The following MAP3K13 variants were observed in gnomAD, a reference collection of about 807,000 sequenced individuals.
MAP3K13 encodes the protein leucine zipper-bearing kinase.
A neutral mutation model predicts 104.0 loss-of-function variants in MAP3K13; 52 were observed. The ratio of observed to expected loss-of-function variants is 0.50; its 90% CI spans 0.40 to 0.63. MAP3K13 has a LOEUF of 0.63. Among genes scored for constraint, MAP3K13 ranks in the 20% least tolerant of loss-of-function variants. MAP3K13 has a pLI of 0.00. For synonymous variants in MAP3K13, 394 were observed against 442.2 expected (o/e 0.89, Z 1.37); for missense variants, 914 against 1,218.5 (o/e 0.75, Z 3.72).
rs563107576 is a variant in MAP3K13 at position 185,339,052 on chromosome 3, G to A, written c.-86+53409G>A. Reference sequence around the variant, plus strand: ...TGCTATCTCTAGGCTGGGCGTGGTGGCTGACACCTATAATCCCAATACTTT... The same window carrying A: ...TGCTATCTCTAGGCTGGGCGTGGTGACTGACACCTATAATCCCAATACTTT... On this transcript the variant is annotated intron_variant, in intron 2 of 14. Coordinates refer to the MAP3K13 transcript ENST00000424227. Among the ~76,000 whole-genome samples, 14 of 152,280 alleles carry A rather than the reference G, an allele frequency of 9.2e-5. 2 individuals are homozygous for A. The South Asian group carries it at 2.9e-3, about 32-fold the overall frequency.
upstream of MAP3K13, among the ~76,000 whole-genome samples, chr3:185,358,730 G>C (rs1723480623): frequency 6.6e-6 from 1 of 152,182 alleles, no homozygotes. Flanking sequence ...AGTGGAAATA[G>C]GGTTAACATT....
At chr3:185,425,911 G>A (rs968918283) in intron 1 of MAP3K13, among the ~76,000 whole-genome samples, 2 of 152,048 alleles carry the variant, frequency 1.3e-5, no homozygotes, top group African/African-American at 4.8e-5. Context: ...TAACTATGTG[G>A]CCGTTATCTA....
At chr3:185,478,705 C>T (rs1718273900) in intron 12 of MAP3K13, among the ~76,000 whole-genome samples, 1 of 151,948 alleles carries the variant, frequency 6.6e-6, no homozygotes, top group Non-Finnish European at 1.5e-5. Context: ...AACCCCGTCT[C>T]TACTAAAAAT....
intron 2 of MAP3K13, among the ~76,000 whole-genome samples, chr3:185,332,440 T>C (rs777378252): frequency 6.6e-6 from 1 of 152,234 alleles, no homozygotes; most frequent in Non-Finnish European, 1.5e-5. Flanking sequence ...CATTTTTAAG[T>C]GTACAGTTCG....
intron 7 of MAP3K13, among the ~76,000 whole-genome samples, chr3:185,458,327 C>T (rs1464062290): frequency 6.7e-6 from 1 of 149,068 alleles, no homozygotes; most frequent in Non-Finnish European, 1.5e-5. Context: ...AAGATCGAGC[C>T]ACTGCACTCC....
rs957878170 is a variant in MAP3K13, at chr3:185,344,857, G to A, written c.-86+59214G>A. Among the ~76,000 whole-genome samples, 7 of 151,582 alleles carry A rather than the reference G, an allele frequency of 4.6e-5. No individual in the cohort carries two copies. The East Asian group carries it at 7.8e-4, about 17-fold the overall frequency. On this transcript the variant is annotated intron_variant, in intron 2 of 14. Coordinates refer to the MAP3K13 transcript ENST00000424227. Reference sequence around the variant, plus strand: ...ATAATGTTATTGGAAATGGGATCTCGCAACTTCATTTCTACTAATCTCATA... The same window carrying A: ...ATAATGTTATTGGAAATGGGATCTCACAACTTCATTTCTACTAATCTCATA...
chr3:185,434,888 G>C (rs529429519), intron 2 of MAP3K13, among the ~76,000 whole-genome samples: 1 of 152,124 alleles, frequency 6.6e-6, no homozygotes, highest in Non-Finnish European at 1.5e-5. Flanking sequence ...GTTCAAAGAC[G>C]TACTGCTCAG....
intron 2 of MAP3K13, among the ~76,000 whole-genome samples, chr3:185,325,335 G>A (rs1220394432): frequency 6.6e-6 from 1 of 152,206 alleles, no homozygotes; most frequent in African/African-American, 2.4e-5. Flanking sequence ...AGCCCACTTA[G>A]ATAATCCAGG....
At chr3:185,319,671 A>G (rs1021305487) in intron 2 of MAP3K13, among the ~76,000 whole-genome samples, 12 of 152,238 alleles carry the variant, frequency 7.9e-5, no homozygotes, top group African/African-American at 2.2e-4. Context: ...ATTTCACTTA[A>G]CTGACATCTA....
At chr3:185,458,707 C>T (rs1716915031) in intron 7 of MAP3K13, among the ~76,000 whole-genome samples, 1 of 152,212 alleles carries the variant, frequency 6.6e-6, no homozygotes, top group Non-Finnish European at 1.5e-5. Context: ...CGTCAGTTAT[C>T]AATCAATAGT....
At chr3:185,336,618 T>C (rs1027387216) in intron 2 of MAP3K13, among the ~76,000 whole-genome samples, 4 of 151,002 alleles carry the variant, frequency 2.6e-5, no homozygotes, top group South Asian at 2.1e-4. Context: ...ACTACTGTTA[T>C]AGATATCAGT....
At chr3:185,316,922 A>G (rs1721699083) in intron 2 of MAP3K13, among the ~76,000 whole-genome samples, 1 of 152,224 alleles carries the variant, frequency 6.6e-6, no homozygotes. Flanking sequence ...AATTATTATG[A>G]TGTCATGTTA....
intron 3 of MAP3K13, among the ~76,000 whole-genome samples, chr3:185,441,143 G>C (rs1715297544): frequency 6.6e-6 from 1 of 152,132 alleles, no homozygotes; most frequent in East Asian, 1.9e-4. Flanking sequence ...GTTGTGATTA[G>C]GACAAGTCAC....
At chr3:185,430,848 G>T (rs1714704057) in intron 2 of MAP3K13, among the ~76,000 whole-genome samples, 1 of 152,150 alleles carries the variant, frequency 6.6e-6, no homozygotes, top group African/African-American at 2.4e-5. Context: ...GAGTCATACT[G>T]TATTAATCCA....
intron 1 of MAP3K13, among the ~76,000 whole-genome samples, chr3:185,380,795 G>A (rs1301481704): frequency 6.6e-6 from 1 of 152,140 alleles, no homozygotes; most frequent in Non-Finnish European, 1.5e-5. Context: ...AACGCTGCTG[G>A]TCCTAGGACC....
upstream of MAP3K13, among the ~76,000 whole-genome samples, chr3:185,360,344 C>G (rs974638018): frequency 6.6e-6 from 1 of 152,202 alleles, no homozygotes; most frequent in Non-Finnish European, 1.5e-5. Flanking sequence ...TCTTTCAAAT[C>G]TATGGAATGC....
chr3:185,481,391 G>A (rs1194866638), intron 13 of MAP3K13: 1 of 152,166 alleles, frequency 6.6e-6, no homozygotes, highest in Non-Finnish European at 1.5e-5. Context: ...CGGGAGGCTT[G>A]AGGTGGAAGG....
chr3:185,453,449 TC>T (rs1327097242), intron 7 of MAP3K13, among the ~76,000 whole-genome samples: 2 of 152,022 alleles, frequency 1.3e-5, no homozygotes, highest in African/African-American at 4.8e-5. Flanking sequence ...CAGGAAAGTG[TC>T]TGATGAAAAC....
intron 7 of MAP3K13, among the ~76,000 whole-genome samples, chr3:185,460,546 C>T (rs1291203614): frequency 8.5e-5 from 13 of 152,186 alleles, no homozygotes; most frequent in Admixed American, 7.9e-4. Flanking sequence ...TGCAAATTGG[C>T]TGTGGGCTTG....
Sources: gnomAD v4.1 joint callset for allele counts (sites outside exome capture counted in the v4.1 genomes callset) on GRCh38, gnomAD v4.1.1 for gene constraint, MANE v1.5 for transcripts, NCBI Gene and HGNC (gene_info 2026-07-23, HGNC 2026-07-21) for gene names.